TEX15: variants seen among roughly 807,000 people sequenced by gnomAD.
TEX15 encodes testis expressed 15, meiosis and synapsis associated.
Under a neutral mutation model 237.3 loss-of-function variants are expected in TEX15, and 171 were observed. The ratio of observed to expected loss-of-function variants is 0.72; its 90% CI spans 0.64 to 0.82. TEX15 has a LOEUF of 0.82. TEX15 is among the 40% of genes least tolerant of loss of function. The probability of loss-of-function intolerance (pLI) is 0.00; values close to 1 mark genes in which losing one functional copy is unlikely to be tolerated. For synonymous variants in TEX15, 1,338 were observed against 1,269.8 expected, an observed-to-expected ratio of 1.05 and a Z score of -1.14; for missense variants, 3,750 against 3,646.5, an observed-to-expected ratio of 1.03 and a Z score of -0.73.
chr8:30,900,520 G>A (rs1416924243), intron 1 of TEX15, among the ~76,000 whole-genome samples: 1 of 152,192 alleles, frequency 6.6e-6, no homozygotes, highest in African/African-American at 2.4e-5. Context: ...ATAGTAAGTT[G>A]AAAGATAGTT....
intron 10 of TEX15, among the ~76,000 whole-genome samples, chr8:30,835,992 T>C (rs1807283209): frequency 6.6e-6 from 1 of 152,206 alleles, no homozygotes; most frequent in African/African-American, 2.4e-5. Flanking sequence ...AAATAATGTA[T>C]GTTTCACAGT....
intron 2 of TEX15, among the ~76,000 whole-genome samples, chr8:30,893,750 CT>C (rs1808840502): frequency 6.6e-6 from 1 of 152,160 alleles, no homozygotes; most frequent in African/African-American, 2.4e-5. Flanking sequence ...TTAGTATCAT[CT>C]TTGTCTCTTA....
At chr8:30,881,617 T>TTTTTTTC (rs1808525366) in intron 3 of TEX15, among the ~76,000 whole-genome samples, 1 of 120,792 alleles carries the variant, frequency 8.3e-6, no homozygotes, top group African/African-American at 5.4e-5. Context: ...TGACTTTTTA[T>TTTTTTTC]TTTTTTTTAT....
chr8:30,903,226 T>G (rs1210343540), intron 1 of TEX15, among the ~76,000 whole-genome samples: 1 of 152,234 alleles, frequency 6.6e-6, no homozygotes, highest in East Asian at 1.9e-4. Flanking sequence ...AGGAGGATCC[T>G]GTATCTATCT....
chr8:30,901,331 T>C (rs924041756), intron 1 of TEX15, among the ~76,000 whole-genome samples: 2 of 152,208 alleles, frequency 1.3e-5, no homozygotes, highest in Non-Finnish European at 2.9e-5. Context: ...GAATTCTGTA[T>C]TGATTAACAT....
intron 1 of TEX15, among the ~76,000 whole-genome samples, chr8:30,907,489 T>C (rs188062816): frequency 0.014 from 1,618 of 112,246 alleles, 1 homozygote; most frequent in African/African-American, 0.055. Flanking sequence ...AAATTATATA[T>C]AAAATGTATA....
chr8:30,903,165 T>C (rs1227015361), intron 1 of TEX15, among the ~76,000 whole-genome samples: 4 of 152,248 alleles, frequency 2.6e-5, no homozygotes, highest in African/African-American at 7.2e-5. Context: ...TGACCTATGC[T>C]GTATGGATGT....
Position 30,838,037 on chromosome 8 carries a change from G to A in TEX15, c.8247C>T (p.Ser2749=), listed in dbSNP as rs772422409. 66 of 1,612,056 alleles carry A rather than the reference G, an allele frequency of 4.1e-5. No individual in the cohort carries two copies. The highest frequency in any genetic ancestry group is 5.3e-5 in the Non-Finnish European group (63 of 1,179,476). Residue 2749 remains serine, a synonymous_variant, in exon 10 of 11, where the codon AGC becomes AGT. Transcript: ENST00000643185. ...HPRTTGSHPK[S]ENKIVPSSCD... ...ATGAACTTGGTACTATTTTGTTTTC[G>A]CTTTTGGGATGAGATCCTGTAGTCC... is the stretch of plus-strand genomic sequence containing the variant.
chr8:30,883,293 C>G (rs2128775194), intron 3 of TEX15, among the ~76,000 whole-genome samples: 1 of 152,220 alleles, frequency 6.6e-6, no homozygotes, highest in East Asian at 1.9e-4. Context: ...TTAACCAACT[C>G]TCATCCTATG....
intron 9 of TEX15, 54 bp downstream of exon 9, chr8:30,839,852 T>G (rs1429525064): frequency 8.4e-7 from 1 of 1,185,778 alleles, no homozygotes; most frequent in African/African-American, 1.5e-5. Context: ...TTGTTTAGTA[T>G]TTGCCCAATT....
In TEX15 at chr8:30,906,098, G is replaced by C. The variant is rs146831490; in HGVS notation, c.-86+6781C>G. ...GCTATATTGATTACTACAACACACA[G>C]AACAGTGACTCATTTATGGTAAAGC... is the stretch of plus-strand genomic sequence containing the variant. On this transcript the variant is annotated intron_variant, in intron 1 of 10. Coordinates refer to ENST00000643185, the MANE Select transcript of TEX15 (RefSeq NM_001350162.2). Among the ~76,000 whole-genome samples, 842 of 152,248 alleles carry C rather than the reference G, an allele frequency of 5.5e-3. 3 individuals are homozygous for C. Among genetic ancestry groups the C allele is most frequent in the Non-Finnish European group, 8.5e-3 (580 of 68,010 alleles).
chr8:30,912,275 G>C (rs2128780996), intron 1 of TEX15, among the ~76,000 whole-genome samples: 1 of 152,150 alleles, frequency 6.6e-6, no homozygotes, highest in Non-Finnish European at 1.5e-5. Flanking sequence ...CCCCGCCCTA[G>C]CGCTCCAGGG....
In TEX15 at chr8:30,846,158, C is replaced by G. The variant is rs760288575; in HGVS notation, c.4009G>C (p.Glu1337Gln). The G allele has an allele frequency of 6.2e-7, 1 of 1,613,410 alleles. No individual in the cohort carries two copies. The highest frequency in any genetic ancestry group is 8.5e-7 in the Non-Finnish European group (1 of 1,179,592). The change falls in exon 8 of 11, where the codon GAG becomes CAG. Residue 1337 changes from glutamate (E) to glutamine (Q), a missense_variant. Glu to Gln is a conservative substitution (Grantham distance 29, BLOSUM62 2). Coordinates refer to ENST00000643185, the MANE Select transcript of TEX15 (RefSeq NM_001350162.2). ...KRRLTSQDSS[E>Q]CFSSLSQGRI... ...CCTTGGGATAATGAAGAGAAACACTCAGATGAGTCTTGACTGGTTAGCCTC... is the reference window on the plus strand; with the variant it reads ...CCTTGGGATAATGAAGAGAAACACTGAGATGAGTCTTGACTGGTTAGCCTC...
rs1808005145 is a variant in TEX15 at position 30,859,919 on chromosome 8, T to A, written c.679A>T (p.Ser227Cys). The A allele has an allele frequency of 6.7e-7, 1 of 1,487,970 alleles. No homozygotes were observed. The highest frequency in any genetic ancestry group is 1.4e-5 in the South Asian group (1 of 73,962). 92.2% of individuals were successfully genotyped at this position (1,487,970 alleles called of 1,614,324 possible). Residue 227 changes from serine to cysteine, a missense_variant, in exon 6 of 11, where the codon AGT becomes TGT. Coordinates refer to ENST00000643185, the MANE Select transcript of TEX15 (RefSeq NM_001350162.2). ...LKDTIELQAY[S>C]SAVYFYEYSV... is the part of the protein sequence containing the mutation. Reference sequence around the variant, plus strand: ...ATGAACCATTAACATACTGCTGAACTGTAGGCTTGCAGTTCAATGGTATCT... The same window carrying A: ...ATGAACCATTAACATACTGCTGAACAGTAGGCTTGCAGTTCAATGGTATCT...
chr8:30,847,200 ACTAG>A lies in TEX15; in HGVS notation c.2963_2966del (p.Ala988ValfsTer7). The A allele has an allele frequency of 6.2e-7, 1 of 1,614,036 alleles. No individual in the cohort carries two copies. Among genetic ancestry groups the A allele is most frequent in the South Asian group, 1.1e-5 (1 of 91,076 alleles). ...TTAGGCTTAATGCAGGCATAGTAGC[ACTAG>A]CTATCTGTATTGCAGCATTTGAGGC... is the stretch of plus-strand genomic sequence containing the variant. On this transcript the variant is annotated frameshift_variant, in exon 8 of 11. Transcript: ENST00000643185. LOFTEE classifies it high-confidence loss of function.
intron 7 of TEX15, among the ~76,000 whole-genome samples, chr8:30,850,011 G>T (rs1807741234): frequency 6.6e-6 from 1 of 151,898 alleles, no homozygotes; most frequent in Non-Finnish European, 1.5e-5. Flanking sequence ...TTTAATAATA[G>T]CATGTACATA....
At chr8:30,866,948 C>T (rs927954992) in intron 5 of TEX15, among the ~76,000 whole-genome samples, 12 of 151,432 alleles carry the variant, frequency 7.9e-5, no homozygotes, top group Admixed American at 6.6e-4. Flanking sequence ...GTATGTAAAA[C>T]ACTATAGTAC....
At position 30,842,772 on chromosome 8, in the gene TEX15, T is replaced by C. The variant is rs1250510379; in HGVS notation, c.7395A>G (p.Lys2465=). ...TACCTCGAAACCTCTGTTTGTCTAGTTTCTTTGCTATTGAGTTTTTAAGAA... is the reference window on the plus strand; with the variant it reads ...TACCTCGAAACCTCTGTTTGTCTAGCTTCTTTGCTATTGAGTTTTTAAGAA... ...IHFLKNSIAK[K]LDKQRFRGML... The change falls in exon 8 of 11, where the codon AAA becomes AAG. Residue 2465 remains lysine, a synonymous_variant. Coordinates refer to ENST00000643185, the MANE Select transcript of TEX15 (RefSeq NM_001350162.2). The C allele has an allele frequency of 2.5e-6, 4 of 1,613,482 alleles. No individual in the cohort carries two copies. The Admixed American group carries it at 5.0e-5, about 20-fold the overall frequency.
rs914400070 is a variant in TEX15, at chr8:30,832,240, G to A, written c.*1046C>T. 3.3e-5 allele frequency: 5 copies of A among 152,218 alleles called. No individual in the cohort carries two copies. The highest frequency in any genetic ancestry group is 1.3e-4 in the Admixed American group (2 of 15,286). 9.4% of individuals were successfully genotyped at this position (152,218 alleles called of 1,614,324 possible). On this transcript the variant is annotated 3_prime_UTR_variant, in exon 11 of 11. Transcript: ENST00000643185. ...CACAAAAAGTTTGCTTACATAAAAA[G>A]TTTGCAAAAGCACTGAAGCTTTGCT...
Sources: allele counts gnomAD v4.1 joint callset (sites outside exome capture counted in the v4.1 genomes callset), GRCh38; gene constraint gnomAD v4.1.1; transcripts MANE v1.5; gene names NCBI Gene and HGNC (gene_info 2026-07-23, HGNC 2026-07-21).